The following IL17RD variants were observed in gnomAD, a reference collection of about 807,000 sequenced individuals.
IL17RD encodes interleukin 17 receptor D.
A neutral mutation model predicts 80.5 loss-of-function variants in IL17RD; 52 were observed. That is an observed-to-expected ratio of 0.65 (90% CI 0.52 to 0.81). IL17RD has a LOEUF of 0.81. IL17RD is among the 40% of genes least tolerant of loss of function. IL17RD has a pLI of 0.00. For synonymous variants in IL17RD, 416 were observed against 391.8 expected (o/e 1.06, Z -0.73); for missense variants, 1,024 against 955.1 (o/e 1.07, Z -0.95).
chr3:57,153,385 C>A (rs1362148901), intron 1 of IL17RD, among the ~76,000 whole-genome samples: 1 of 152,204 alleles, frequency 6.6e-6, no homozygotes, highest in Non-Finnish European at 1.5e-5. Flanking sequence ...ATATTTGAAC[C>A]TATTCATGAG....
In IL17RD at chr3:57,164,921, C is replaced by T. The variant is rs2060336336; in HGVS notation, c.126+240G>A. ...TCTGAATGGGACCCCGGCCGGCGGC[C>T]GCACCTCATTAGCAACACAAAGCCG... is the stretch of plus-strand genomic sequence containing the variant. On this transcript the variant is annotated intron_variant, in intron 1 of 12. Transcript: ENST00000296318. 5.5e-6 allele frequency: 7 copies of T among 1,266,728 alleles called. No homozygotes were observed. The South Asian group carries it at 9.9e-5, about 18-fold the overall frequency. The allele number at this position is 1,266,728 out of a possible 1,614,324, so 78.5% of individuals were successfully genotyped here.
Position 57,165,262 on chromosome 3 carries a change from A to T in IL17RD, c.25T>A (p.Ser9Thr). 6.6e-7 allele frequency: 1 copy of T among 1,517,994 alleles called. No homozygotes were observed. The highest frequency in any genetic ancestry group is 1.2e-5 in the South Asian group (1 of 80,848). The allele number at this position is 1,517,994 out of a possible 1,614,324, so 94.0% of individuals were successfully genotyped here. MAPWLQLC[S>T]VFFTVNACLN... ...CAGGCGTTGACCGTAAAGAAGACGGAGCAGAGCTGCAGCCACGGGGCCATG... is the reference window on the plus strand; with the variant it reads ...CAGGCGTTGACCGTAAAGAAGACGGTGCAGAGCTGCAGCCACGGGGCCATG... Residue 9 changes from serine to threonine, a missense_variant, in exon 1 of 13, where the codon TCC (serine) becomes ACC (threonine). By Grantham distance (58) the Ser-to-Thr change is moderately conservative. Coordinates refer to ENST00000296318, the MANE Select transcript of IL17RD (RefSeq NM_017563.5).
chr3:57,096,278 CA>C lies in IL17RD; in HGVS notation c.*114del, dbSNP rs1706668818. 8 of 750,508 alleles carry C rather than the reference CA, an allele frequency of 1.1e-5. No individual in the cohort carries two copies. Among genetic ancestry groups the C allele is most frequent in the Admixed American group, 3.8e-5 (2 of 52,548 alleles). The allele number at this position is 750,508 out of a possible 1,614,324, so 46.5% of individuals were successfully genotyped here. Reference sequence around the variant, plus strand: ...ACAAGTACTGGCCAGCATTTCACTCCAAATATCCTTGTATGAGACCTCAGCT... The same window carrying C: ...ACAAGTACTGGCCAGCATTTCACTCCAATATCCTTGTATGAGACCTCAGCT... On this transcript the variant is annotated 3_prime_UTR_variant, in exon 13 of 13. Coordinates refer to ENST00000296318, the MANE Select transcript of IL17RD (RefSeq NM_017563.5).
chr3:57,126,767 T>C (rs1707467128), intron 1 of IL17RD, among the ~76,000 whole-genome samples: 1 of 152,186 alleles, frequency 6.6e-6, no homozygotes, highest in South Asian at 2.1e-4. Flanking sequence ...AAGCCAGTAA[T>C]GTTTTAGTGA....
chr3:57,152,339 G>C (rs778796897), intron 1 of IL17RD, among the ~76,000 whole-genome samples: 1 of 152,196 alleles, frequency 6.6e-6, no homozygotes, highest in Non-Finnish European at 1.5e-5. Context: ...GCCACAGAGG[G>C]GACTGTGGAC....
chr3:57,148,106 G>A lies in IL17RD; in HGVS notation c.126+17055C>T, dbSNP rs192249658. On this transcript the variant is annotated intron_variant, in intron 1 of 12. Transcript: ENST00000296318. ...CCAAGGTTGGGGGGGGGGGGGGGGC[G>A]ATCGCTAGGTCAAGAGTTCAAGACC... is the stretch of plus-strand genomic sequence containing the variant. Among the ~76,000 whole-genome samples, 477 of 84,684 alleles carry A rather than the reference G, an allele frequency of 5.6e-3. 14 individuals are homozygous for A. The highest frequency in any genetic ancestry group is 8.9e-3 in the Non-Finnish European group (385 of 43,046). The allele number at this position is 84,684 out of a possible 152,430, so 55.6% of individuals were successfully genotyped here.
intron 5 of IL17RD, among the ~76,000 whole-genome samples, 160 bp from the exon 6 acceptor site, chr3:57,106,314 T>G (rs769597004): frequency 5.3e-5 from 8 of 152,232 alleles, no homozygotes; most frequent in Non-Finnish European, 1.2e-4. Flanking sequence ...TGCAGTTGTA[T>G]CTTATGAAAA....
chr3:57,164,646 C>CA (rs568555389), intron 1 of IL17RD, among the ~76,000 whole-genome samples: 1 of 152,140 alleles, frequency 6.6e-6, no homozygotes, highest in Admixed American at 6.5e-5. Context: ...CGAGGAGGAA[C>CA]AAAGCTACTA....
intron 1 of IL17RD, among the ~76,000 whole-genome samples, chr3:57,137,052 G>A (rs894059656): frequency 6.6e-6 from 1 of 152,174 alleles, no homozygotes; most frequent in Admixed American, 6.5e-5. Flanking sequence ...GGGTTGCGGA[G>A]GGGAAGGAAG....
chr3:57,098,312 G>A lies in IL17RD; in HGVS notation c.1391C>T (p.Ala464Val). Residue 464 changes from alanine to valine, a missense_variant, in exon 12 of 13, where the codon GCC (alanine) becomes GTC (valine). By Grantham distance (64) the Ala-to-Val change is moderately conservative (BLOSUM62 0). Coordinates refer to ENST00000296318, the MANE Select transcript of IL17RD (RefSeq NM_017563.5). ...GAGCGCCGCGGACGAACTCTGCTTGGCCTGGCGGAGCTTTTCGGCAATGGC... is the reference window on the plus strand; with the variant it reads ...GAGCGCCGCGGACGAACTCTGCTTGACCTGGCGGAGCTTTTCGGCAATGGC... Reference protein sequence around the residue: ...VSAIAEKLRQAKQSSSAALSK... With the variant: ...VSAIAEKLRQVKQSSSAALSK... The A allele has an allele frequency of 6.2e-7, 1 of 1,614,008 alleles. No individual in the cohort carries two copies. The highest frequency in any genetic ancestry group is 8.5e-7 in the Non-Finnish European group (1 of 1,179,896).
chr3:57,146,010 C>T (rs1176130668), intron 1 of IL17RD, among the ~76,000 whole-genome samples: 1 of 149,254 alleles, frequency 6.7e-6, no homozygotes, highest in African/African-American at 2.5e-5. Context: ...TTGGGGAAAG[C>T]GTGCGCGCAC....
At position 57,096,251 on chromosome 3, in the gene IL17RD, G is replaced by T; in HGVS notation, c.*142C>A. On this transcript the variant is annotated 3_prime_UTR_variant, in exon 13 of 13. Transcript: ENST00000296318. ...TCCGGTAAAGGGTTGGGGCAAGGGA[G>T]AACAAGTACTGGCCAGCATTTCACT... 1 of 662,338 alleles carries T rather than the reference G, an allele frequency of 1.5e-6. No individual in the cohort carries two copies. The allele number at this position is 662,338 out of a possible 1,614,324, so 41.0% of individuals were successfully genotyped here. A position where few individuals can be genotyped will look rare whatever the true frequency, so the allele number is the denominator to read the frequency against.
At chr3:57,154,454 G>A (rs913458162) in intron 1 of IL17RD, among the ~76,000 whole-genome samples, 10 of 151,688 alleles carry the variant, frequency 6.6e-5, no homozygotes, top group African/African-American at 2.4e-4. Context: ...CTTTTTTAAT[G>A]AGATAAAAGC....
At chr3:57,149,936 G>C (rs1233836111) in intron 1 of IL17RD, among the ~76,000 whole-genome samples, 1 of 152,174 alleles carries the variant, frequency 6.6e-6, no homozygotes, top group East Asian at 1.9e-4. Flanking sequence ...TTTGGTGTAT[G>C]GGTCCACAAG....
Position 57,109,606 on chromosome 3 carries a change from C to G in IL17RD, c.481G>C (p.Val161Leu). Residue 161 changes from valine to leucine, a missense_variant, in exon 5 of 13, where the codon GTA (valine) becomes CTA (leucine). By Grantham distance (32) the Val-to-Leu change is conservative. Transcript: ENST00000296318. Reference sequence around the variant, plus strand: ...ATGGAAGGAAAAGGGACAACCTTTACGAAATAATCCGTTTCAAATTTCATA... The same window carrying G: ...ATGGAAGGAAAAGGGACAACCTTTAGGAAATAATCCGTTTCAAATTTCATA... ...LNMKFETDYF[V>L]KVVPFPSIKN... The G allele has an allele frequency of 6.2e-7, 1 of 1,613,086 alleles. No individual in the cohort carries two copies. The highest frequency in any genetic ancestry group is 8.5e-7 in the Non-Finnish European group (1 of 1,179,230).
rs373983011 is a variant in IL17RD at position 57,162,383 on chromosome 3, C to T, written c.126+2778G>A. Reference sequence around the variant, plus strand: ...AGTCGACCCTTATCCTTTTATGTTCCTACAGCCCCACTGTAAGCAACCTTA... The same window carrying T: ...AGTCGACCCTTATCCTTTTATGTTCTTACAGCCCCACTGTAAGCAACCTTA... On this transcript the variant is annotated intron_variant, in intron 1 of 12. Transcript: ENST00000296318. Among the ~76,000 whole-genome samples, 52 of 152,330 alleles carry T rather than the reference C, an allele frequency of 3.4e-4. 1 individual carries two copies. In the South Asian group the frequency reaches 0.011, roughly 31 times the overall value.
At chr3:57,108,509 C>CTTTTTTTTTTTTTTTT (rs34594516) in intron 5 of IL17RD, among the ~76,000 whole-genome samples, 1 of 49,154 alleles carries the variant, frequency 2.0e-5, no homozygotes, top group Non-Finnish European at 3.2e-5. Flanking sequence ...TGATACATGG[C>CTTTTTTTTTTTTTTTT]TTTTTTTTTT....
At chr3:57,098,832 G>C (rs578058959) in intron 11 of IL17RD, among the ~76,000 whole-genome samples, 1 of 152,320 alleles carries the variant, frequency 6.6e-6, no homozygotes, top group Non-Finnish European at 1.5e-5. Flanking sequence ...CAGTGCTTTT[G>C]GCACCTTGCC....
At chr3:57,158,750 A>C (rs1348350316) in intron 1 of IL17RD, among the ~76,000 whole-genome samples, 1 of 152,202 alleles carries the variant, frequency 6.6e-6, no homozygotes. Flanking sequence ...ACATGGTACA[A>C]ATGGAGTTTT....
Sources: gnomAD v4.1 joint callset for allele counts (sites outside exome capture counted in the v4.1 genomes callset) on GRCh38, gnomAD v4.1.1 for gene constraint, MANE v1.5 for transcripts, NCBI Gene and HGNC (gene_info 2026-07-23, HGNC 2026-07-21) for gene names.